F13A1: variants seen among roughly 807,000 people sequenced by gnomAD.
F13A1 encodes FSF, A subunit.
In F13A1, 47 loss-of-function variants were observed where a neutral mutation model predicts 80.1. The observed-to-expected ratio is 0.59, with a 90% CI of 0.46 to 0.75. The LOEUF is 0.75. Among genes scored for constraint, F13A1 ranks in the 30% least tolerant of loss-of-function variants. The pLI is 0.00. For synonymous variants in F13A1, 349 were observed against 344.9 expected (o/e 1.01, Z -0.13); for missense variants, 817 against 930.4 (o/e 0.88, Z 1.59).
intron 12 of F13A1, among the ~76,000 whole-genome samples, chr6:6,172,856 C>A (rs527331256): frequency 6.6e-6 from 1 of 152,270 alleles, no homozygotes; most frequent in Non-Finnish European, 1.5e-5. Flanking sequence ...AATAGTTTCT[C>A]ATTTTTCTGG....
At chr6:6,212,670 C>G (rs1200772442) in intron 8 of F13A1, among the ~76,000 whole-genome samples, 1 of 152,216 alleles carries the variant, frequency 6.6e-6, no homozygotes, top group East Asian at 1.9e-4. Context: ...AGGAACAAAG[C>G]TGGATGGAGA....
intron 10 of F13A1, among the ~76,000 whole-genome samples, chr6:6,190,972 G>C (rs897804454): frequency 5.3e-5 from 8 of 152,196 alleles, no homozygotes; most frequent in South Asian, 2.1e-4. Flanking sequence ...ATTTGGGTGT[G>C]AGTGACCCGA....
chr6:6,242,322 T>A (rs1307881826), intron 6 of F13A1, among the ~76,000 whole-genome samples: 1 of 152,188 alleles, frequency 6.6e-6, no homozygotes, highest in Non-Finnish European at 1.5e-5. Context: ...GAACATCGAT[T>A]GGTTAAAAAA....
intron 4 of F13A1, among the ~76,000 whole-genome samples, chr6:6,263,389 A>T (rs1388411078): frequency 6.6e-6 from 1 of 152,202 alleles, no homozygotes. Flanking sequence ...AGCATTAAAC[A>T]GAGTTGACTG....
chr6:6,166,515 A>C (rs1168899030), intron 13 of F13A1, among the ~76,000 whole-genome samples: 2 of 152,204 alleles, frequency 1.3e-5, no homozygotes, highest in African/African-American at 2.4e-5. Context: ...TAATCACTTC[A>C]AGAAGATTGT....
At chr6:6,292,346 C>T (rs3024352) in intron 3 of F13A1, among the ~76,000 whole-genome samples, 51,197 of 152,090 alleles carry the variant, frequency 0.34, 11,289 homozygotes, top group African/African-American at 0.62. Context: ...ACCTGGAAGT[C>T]GACCTTGACC....
chr6:6,202,019 T>C (rs1761404108), intron 8 of F13A1, among the ~76,000 whole-genome samples: 1 of 152,212 alleles, frequency 6.6e-6, no homozygotes, highest in African/African-American at 2.4e-5. Context: ...ATTTTACATA[T>C]ATATATAAAA....
chr6:6,211,291 T>C (rs1016276174), intron 8 of F13A1, among the ~76,000 whole-genome samples: 1 of 152,264 alleles, frequency 6.6e-6, no homozygotes, highest in African/African-American at 2.4e-5. Flanking sequence ...TCCAACACTA[T>C]TGTGTGCCTT....
intron 8 of F13A1, among the ~76,000 whole-genome samples, chr6:6,216,313 T>C (rs1397178563): frequency 1.3e-5 from 2 of 151,706 alleles, no homozygotes; most frequent in Non-Finnish European, 2.9e-5. Context: ...AGGATGGTAC[T>C]GGTACCAAAA....
At chr6:6,150,094 T>C (rs1202307268) in intron 14 of F13A1, among the ~76,000 whole-genome samples, 2 of 152,190 alleles carry the variant, frequency 1.3e-5, no homozygotes, top group East Asian at 3.8e-4. Context: ...GGTGGAATTC[T>C]AGGGGGATAG....
intron 4 of F13A1, among the ~76,000 whole-genome samples, chr6:6,260,596 TG>T (rs925191731): frequency 2.0e-5 from 3 of 152,100 alleles, no homozygotes; most frequent in African/African-American, 7.2e-5. Context: ...GTGTGTGTGT[TG>T]GGGGGAGCGG....
At chr6:6,222,977 T>C (rs942862140) in intron 7 of F13A1, among the ~76,000 whole-genome samples, 13 of 152,154 alleles carry the variant, frequency 8.5e-5, no homozygotes, top group African/African-American at 2.7e-4. Flanking sequence ...GGGCCTCCCG[T>C]TCCCATTTTC....
chr6:6,190,523 A>C, intron 10 of F13A1, among the ~76,000 whole-genome samples: 1 of 150,652 alleles, frequency 6.6e-6, no homozygotes, highest in Non-Finnish European at 1.5e-5. Flanking sequence ...GGTGCCTCCC[A>C]GTTAGGCTGC....
intron 4 of F13A1, among the ~76,000 whole-genome samples, chr6:6,254,843 G>A (rs916949638): frequency 2.6e-5 from 4 of 152,062 alleles, no homozygotes; most frequent in Non-Finnish European, 4.4e-5. Flanking sequence ...AGATCTTTGA[G>A]CTCTTTTTAT....
intron 13 of F13A1, among the ~76,000 whole-genome samples, chr6:6,164,022 T>C (rs527698303): frequency 6.6e-6 from 1 of 152,256 alleles, no homozygotes; most frequent in East Asian, 1.9e-4. Context: ...TGGTATGAGA[T>C]GGTATCTCAT....
intron 3 of F13A1, among the ~76,000 whole-genome samples, chr6:6,300,305 G>T (rs1758404413): frequency 6.6e-6 from 1 of 150,986 alleles, no homozygotes; most frequent in Non-Finnish European, 1.5e-5. Flanking sequence ...GTTTCAGTAA[G>T]CAAGCCTGGG....
chr6:6,246,879 T>C (rs1438224523), intron 6 of F13A1, among the ~76,000 whole-genome samples: 1 of 152,238 alleles, frequency 6.6e-6, no homozygotes, highest in Admixed American at 6.5e-5. Flanking sequence ...CTGCTAGCTG[T>C]TGCTTCCTTT....
At chr6:6,244,157 A>C (rs1333615118) in intron 6 of F13A1, among the ~76,000 whole-genome samples, 5 of 152,202 alleles carry the variant, frequency 3.3e-5, no homozygotes, top group Non-Finnish European at 7.3e-5. Flanking sequence ...CTAGCAATAG[A>C]ATGCTTTATT....
Position 6,305,535 on chromosome 6 carries a change from A to C in F13A1, c.135T>G (p.Phe45Leu). The change falls in exon 3 of 15, where the codon TTT becomes TTG. Residue 45 changes from phenylalanine (F) to leucine (L), a missense_variant. Physicochemically the swap from Phe to Leu is conservative, Grantham distance 22. Coordinates refer to ENST00000264870, the MANE Select transcript of F13A1 (RefSeq NM_000129.4). ...VVPRGVNLQEFLNVTSVHLFK... is the reference protein window; with the variant it reads ...VVPRGVNLQELLNVTSVHLFK... ...ACAGGTGAACGCTCGTGACATTAAGAAACTCTATGAACAAGAAAAACAAGG... is the reference window on the plus strand; with the variant it reads ...ACAGGTGAACGCTCGTGACATTAAGCAACTCTATGAACAAGAAAAACAAGG... The C allele has an allele frequency of 6.2e-7, 1 of 1,614,218 alleles. No individual in the cohort carries two copies. Among genetic ancestry groups the C allele is most frequent in the Non-Finnish European group, 8.5e-7 (1 of 1,180,020 alleles).
Sources: allele counts gnomAD v4.1 joint callset (sites outside exome capture counted in the v4.1 genomes callset), GRCh38; gene constraint gnomAD v4.1.1; transcripts MANE v1.5; gene names NCBI Gene and HGNC (gene_info 2026-07-23, HGNC 2026-07-21).